The following ENOX1 variants were observed in gnomAD, a reference collection of about 807,000 sequenced individuals.
ENOX1 encodes ecto-NOX disulfide-thiol exchanger 1, also known as candidate growth-related and time keeping constitutive hydroquinone (NADH) oxidase.
A neutral mutation model predicts 82.5 loss-of-function variants in ENOX1; 42 were observed. The observed-to-expected ratio is 0.51, with a 90% CI of 0.40 to 0.66. ENOX1 has a LOEUF of 0.66. Among genes scored for constraint, ENOX1 ranks in the 30% least tolerant of loss-of-function variants. The pLI, the probability that ENOX1 is intolerant of heterozygous loss-of-function variation, is 0.00. For synonymous variants in ENOX1, 271 were observed against 282.2 expected (o/e 0.96, Z 0.40); for missense variants, 608 against 811.6 (o/e 0.75, Z 3.05).
At chr13:43,458,331 C>A (rs1172278800) in intron 3 of ENOX1, 1 of 152,100 alleles carries the variant, frequency 6.6e-6, no homozygotes, top group Non-Finnish European at 1.5e-5. Context: ...TATAAAGCAC[C>A]TGGCATACTG....
chr13:43,506,843 G>T (rs908436781), intron 2 of ENOX1, among the ~76,000 whole-genome samples: 2 of 151,050 alleles, frequency 1.3e-5, no homozygotes, highest in African/African-American at 4.9e-5. Context: ...TTGTGGGGTG[G>T]GGGGACGGGG....
At chr13:43,486,696 C>G (rs61959521) in intron 2 of ENOX1, among the ~76,000 whole-genome samples, 1 of 151,944 alleles carries the variant, frequency 6.6e-6, no homozygotes, top group South Asian at 2.1e-4. Context: ...ACCAAACTGG[C>G]GGGGGTGTTC....
chr13:43,612,099 G>A (rs2082224332), intron 2 of ENOX1, among the ~76,000 whole-genome samples: 1 of 152,170 alleles, frequency 6.6e-6, no homozygotes, highest in Admixed American at 6.5e-5. Flanking sequence ...TGTGGGTAGA[G>A]TTGATGAGGG....
At chr13:43,285,723 T>G (rs563820849) in intron 12 of ENOX1, among the ~76,000 whole-genome samples, 1 of 143,864 alleles carries the variant, frequency 7.0e-6, no homozygotes. Context: ...GAGAATAGAA[T>G]AGCTTGGACC....
chr13:43,760,860 G>GAAA lies in ENOX1; in HGVS notation c.-285+25789_-285+25791dup, dbSNP rs386378983. Among the ~76,000 whole-genome samples the GAAA allele has an allele frequency of 9.9e-3, 1,255 of 127,252 alleles. 17 individuals carry two copies. The highest frequency in any genetic ancestry group is 0.016 in the South Asian group (59 of 3,680). The allele number at this position is 127,252 out of a possible 152,430, so 83.5% of individuals were successfully genotyped here. A position where few individuals can be genotyped will look rare whatever the true frequency, so the allele number is the denominator to read the frequency against. On this transcript the variant is annotated intron_variant, in intron 1 of 16. Transcript: ENST00000690772. The stretch of plus-strand genomic sequence containing the variant: ...CAGATATTCCAAAAGCATTAAAGTG[G>GAAA]AAAAAAAAAAAAAAAACAAGCAAAC...
chr13:43,470,389 T>TATATATATACACATATATATAC (rs2058011836), intron 3 of ENOX1, among the ~76,000 whole-genome samples: 1 of 103,382 alleles, frequency 9.7e-6, no homozygotes, highest in African/African-American at 3.4e-5. Context: ...TATATATACG[T>TATATATATACACATATATATAC]ATATATATGT....
intron 2 of ENOX1, among the ~76,000 whole-genome samples, chr13:43,641,724 G>A (rs550600844): frequency 6.6e-6 from 1 of 151,488 alleles, no homozygotes; most frequent in Non-Finnish European, 1.5e-5. Flanking sequence ...TAGTAGAGAT[G>A]GGGTTTCACC....
At chr13:43,346,861 TAGA>T (rs1004423042) in intron 8 of ENOX1, among the ~76,000 whole-genome samples, 2 of 74,288 alleles carry the variant, frequency 2.7e-5, no homozygotes, top group African/African-American at 8.7e-5. Context: ...ACCTAATGCT[TAGA>T]AGAAATCTTT....
intron 9 of ENOX1, among the ~76,000 whole-genome samples, chr13:43,338,569 C>T (rs1038819782): frequency 2.7e-5 from 4 of 150,574 alleles, no homozygotes; most frequent in South Asian, 4.2e-4. Flanking sequence ...GCAGGATAGA[C>T]GATGTCCTCA....
At chr13:43,225,435 A>C (rs1027115143) in intron 15 of ENOX1, among the ~76,000 whole-genome samples, 1 of 152,198 alleles carries the variant, frequency 6.6e-6, no homozygotes, top group African/African-American at 2.4e-5. Flanking sequence ...AAAAGAAACA[A>C]AAGAAAAGTT....
intron 2 of ENOX1, among the ~76,000 whole-genome samples, chr13:43,558,006 C>A (rs1431429721): frequency 6.6e-6 from 1 of 152,102 alleles, no homozygotes; most frequent in African/African-American, 2.4e-5. Context: ...GCCCAGTGTC[C>A]CACTGAGGGA....
intron 14 of ENOX1, 53 bp downstream of exon 14, chr13:43,265,343 ATG>A: frequency 6.8e-7 from 1 of 1,471,702 alleles, no homozygotes; most frequent in Non-Finnish European, 9.4e-7. Context: ...CTACATCCCC[ATG>A]TGTTCAACCA....
At chr13:43,415,331 A>G (rs937499427) in intron 3 of ENOX1, among the ~76,000 whole-genome samples, 1 of 137,390 alleles carries the variant, frequency 7.3e-6, no homozygotes, top group African/African-American at 2.7e-5. Flanking sequence ...AATAGTGGAG[A>G]GAAGGTCAGC....
chr13:43,541,200 C>CTTTTTTTTTTTTTTTTTTTTTTT (rs1555317963), intron 2 of ENOX1, among the ~76,000 whole-genome samples: 1 of 14,436 alleles, frequency 6.9e-5, no homozygotes, highest in Non-Finnish European at 1.8e-4. Flanking sequence ...TTTTTTTTTG[C>CTTTTTTTTTTTTTTTTTTTTTTT]TAAAAATGAT....
chr13:43,247,883 ATTTT>A (rs869265102), intron 14 of ENOX1, among the ~76,000 whole-genome samples: 2 of 14,648 alleles, frequency 1.4e-4, no homozygotes, highest in Non-Finnish European at 1.8e-4. Context: ...ATATATATAT[ATTTT>A]TTTTTTTTTT....
chr13:43,459,947 T>C (rs2057393522), intron 3 of ENOX1, among the ~76,000 whole-genome samples: 1 of 152,206 alleles, frequency 6.6e-6, no homozygotes, highest in East Asian at 1.9e-4. Context: ...TGAGCCGAGA[T>C]TGCACCATCG....
chr13:43,434,687 C>T (rs1234113767), intron 3 of ENOX1, among the ~76,000 whole-genome samples: 1 of 152,110 alleles, frequency 6.6e-6, no homozygotes, highest in Non-Finnish European at 1.5e-5. Context: ...TTGGCAGTTT[C>T]ATGTAGTTCA....
chr13:43,718,135 T>C (rs546783461), intron 1 of ENOX1, among the ~76,000 whole-genome samples: 1 of 152,358 alleles, frequency 6.6e-6, no homozygotes, highest in African/African-American at 2.4e-5. Flanking sequence ...TCAATTTAGT[T>C]GCCCTTCGAC....
chr13:43,396,399 G>T (rs1473654468), intron 5 of ENOX1, among the ~76,000 whole-genome samples: 1 of 151,878 alleles, frequency 6.6e-6, no homozygotes, highest in Non-Finnish European at 1.5e-5. Flanking sequence ...TTTCTTTTTT[G>T]AGACAGTTTT....
Sources: gnomAD v4.1 joint callset for allele counts (sites outside exome capture counted in the v4.1 genomes callset) on GRCh38, gnomAD v4.1.1 for gene constraint, MANE v1.5 for transcripts, NCBI Gene and HGNC (gene_info 2026-07-23, HGNC 2026-07-21) for gene names.